PPP1R7: variants seen among roughly 807,000 people sequenced by gnomAD.
PPP1R7 encodes the protein protein phosphatase 1 regulatory subunit 22.
In PPP1R7, 18 loss-of-function variants were observed where a neutral mutation model predicts 45.2. That is an observed-to-expected ratio of 0.40 (90% confidence interval 0.28 to 0.59). The LOEUF is 0.59. PPP1R7 is among the 20% of genes least tolerant of loss of function. The pLI, the probability that PPP1R7 is intolerant of heterozygous loss-of-function variation, is 0.46. For missense variants in PPP1R7, 314 were observed against 455.8 expected, an observed-to-expected ratio of 0.69 and a Z score of 2.83; for synonymous variants, 181 against 183.4, an observed-to-expected ratio of 0.99 and a Z score of 0.11.
At chr2:241,150,603 G>A in intron 1 of PPP1R7, 56 bp downstream of exon 1, 4 of 1,541,062 alleles carry the variant, frequency 2.6e-6, no homozygotes, top group South Asian at 1.2e-5. Flanking sequence ...GGGAGCTGCG[G>A]GCTGGAACTG....
intron 8 of PPP1R7, among the ~76,000 whole-genome samples, chr2:241,167,698 C>T (rs2067743307): frequency 6.6e-6 from 1 of 152,080 alleles, no homozygotes; most frequent in South Asian, 2.1e-4. Flanking sequence ...AGAAGTGCTA[C>T]ACTGTGATCT....
chr2:241,181,491 C>T (rs1018402115), intron 9 of PPP1R7, among the ~76,000 whole-genome samples: 2 of 152,086 alleles, frequency 1.3e-5, no homozygotes, highest in African/African-American at 4.8e-5. Flanking sequence ...GAACACAGTA[C>T]TTCTGAGTGG....
intron 5 of PPP1R7, among the ~76,000 whole-genome samples, chr2:241,159,721 C>T (rs545881667): frequency 3.6e-4 from 55 of 152,162 alleles, no homozygotes; most frequent in South Asian, 2.7e-3. Flanking sequence ...AAAAAAGTGA[C>T]ATTTCTAATT....
intron 2 of PPP1R7, among the ~76,000 whole-genome samples, chr2:241,157,018 A>G (rs1454321081): frequency 2.6e-5 from 4 of 151,990 alleles, no homozygotes; most frequent in South Asian, 2.1e-4. Context: ...ACACATGCTG[A>G]AGTAGGTTCC....
At chr2:241,157,122 C>T (rs1426536617) in intron 2 of PPP1R7, among the ~76,000 whole-genome samples, 1 of 152,186 alleles carries the variant, frequency 6.6e-6, no homozygotes, top group Non-Finnish European at 1.5e-5. Context: ...ATGCCGGCTC[C>T]GGGGTAGAGA....
chr2:241,153,716 T>C, intron 2 of PPP1R7, 112 bp downstream of exon 2: 2 of 1,413,830 alleles, frequency 1.4e-6, no homozygotes, highest in Non-Finnish European at 1.9e-6. Flanking sequence ...AGGACTGCCG[T>C]GCTCCTTAGG....
intron 2 of PPP1R7, among the ~76,000 whole-genome samples, chr2:241,156,842 A>AT (rs886316491): frequency 6.6e-6 from 1 of 152,084 alleles, no homozygotes; most frequent in Non-Finnish European, 1.5e-5. Context: ...ATTACTGTTA[A>AT]TTTTTTTAAG....
At position 241,166,342 on chromosome 2, in the gene PPP1R7, C is replaced by T; in HGVS notation, c.720C>T (p.Asn240=). The T allele has an allele frequency of 1.2e-6, 2 of 1,613,922 alleles. No homozygotes were observed. The highest frequency in any genetic ancestry group is 1.7e-5 in the Admixed American group (1 of 60,024). Residue 240 remains asparagine (N), a synonymous_variant, in exon 8 of 10, where the codon AAC becomes AAT. Transcript: ENST00000234038. ...TNLTVLSMQS[N]RLTKIEGLQN... ...GTGTGCTCTCCCTCTTGCAGAGCAA[C>T]CGGCTGACCAAGATCGAGGGTCTGC...
intron 8 of PPP1R7, among the ~76,000 whole-genome samples, chr2:241,169,215 C>T (rs938290123): frequency 5.3e-5 from 8 of 152,158 alleles, no homozygotes; most frequent in Non-Finnish European, 8.8e-5. Flanking sequence ...CTTATGCTCC[C>T]GGGACCCTTT....
upstream of PPP1R7, chr2:241,150,221 G>C: frequency 7.8e-7 from 1 of 1,280,878 alleles, no homozygotes; most frequent in Non-Finnish European, 9.8e-7. Context: ...CTACGGCTCT[G>C]TGCGTCCCGC....
intron 9 of PPP1R7, among the ~76,000 whole-genome samples, chr2:241,176,982 G>C (rs976395692): frequency 6.6e-6 from 1 of 152,172 alleles, no homozygotes; most frequent in African/African-American, 2.4e-5. Context: ...TGTCATCCCA[G>C]CACTTTGGGA....
At chr2:241,150,323 G>A, upstream of PPP1R7, 1 of 1,324,348 alleles carries the variant, frequency 7.6e-7, no homozygotes, top group Non-Finnish European at 9.7e-7. Flanking sequence ...GAGGCGCGGC[G>A]CGCGGCCTCA....
At chr2:241,158,593 G>T in intron 4 of PPP1R7, 44 bp downstream of exon 4, 3 of 1,572,152 alleles carry the variant, frequency 1.9e-6, no homozygotes, top group Non-Finnish European at 2.6e-6. Context: ...TCACCCATAG[G>T]ATGTGGATAA....
rs2067644068 is a variant in PPP1R7 at position 241,163,649 on chromosome 2, G to A, written c.714+248G>A. On this transcript the variant is annotated intron_variant, in intron 7 of 9. Transcript: ENST00000234038. ...AACAGGGTCTTTATCTGTCACTCAGGCTGCAGTGCAGTGGTGCTGTCATAG... is the reference window on the plus strand; with the variant it reads ...AACAGGGTCTTTATCTGTCACTCAGACTGCAGTGCAGTGGTGCTGTCATAG... 2.6e-5 allele frequency among the ~76,000 whole-genome samples: 4 copies of A among 151,678 alleles called. No homozygotes were observed. The South Asian group carries it at 8.4e-4, about 32-fold the overall frequency.
chr2:241,182,096 A>G (rs1257835741), intron 9 of PPP1R7, among the ~76,000 whole-genome samples: 3 of 152,080 alleles, frequency 2.0e-5, no homozygotes, highest in Non-Finnish European at 4.4e-5. Context: ...GTAGCCTGCA[A>G]CTCAGACCTC....
intron 2 of PPP1R7, among the ~76,000 whole-genome samples, chr2:241,154,302 C>G (rs138109369): frequency 1.3e-5 from 2 of 151,622 alleles, no homozygotes; most frequent in South Asian, 2.1e-4. Context: ...TTTCTATGTC[C>G]TACCATAGCA....
intron 8 of PPP1R7, among the ~76,000 whole-genome samples, chr2:241,167,674 A>G (rs543237988): frequency 6.6e-6 from 1 of 152,384 alleles, no homozygotes; most frequent in South Asian, 2.1e-4. Context: ...AGTGTGGTTC[A>G]GAATTTTACC....
At chr2:241,150,214 C>T, upstream of PPP1R7, 5 of 1,274,080 alleles carry the variant, frequency 3.9e-6, no homozygotes, top group South Asian at 2.7e-5. Flanking sequence ...CCTGCAGCTA[C>T]GGCTCTGTGC....
rs1190513513 is a variant in PPP1R7, at chr2:241,183,205, C to T, written c.*382C>T. 2.1e-5 allele frequency: 8 copies of T among 378,518 alleles called. No homozygotes were observed. The highest frequency in any genetic ancestry group is 3.7e-5 in the Non-Finnish European group (7 of 190,196). 23.4% of individuals were successfully genotyped at this position (378,518 alleles called of 1,614,324 possible). ...ATTCACGTGCTGTCCGAGTGGCATT[C>T]GGGGGCTGGCCTAGCTGGCCCTAGT... On this transcript the variant is annotated 3_prime_UTR_variant, in exon 10 of 10. Coordinates refer to ENST00000234038, the MANE Select transcript of PPP1R7 (RefSeq NM_002712.3).
Sources: gnomAD v4.1 joint callset for allele counts (sites outside exome capture counted in the v4.1 genomes callset) on GRCh38, gnomAD v4.1.1 for gene constraint, MANE v1.5 for transcripts, NCBI Gene and HGNC (gene_info 2026-07-23, HGNC 2026-07-21) for gene names.